SLC16A10: variants seen among roughly 807,000 people sequenced by gnomAD.
The protein encoded by SLC16A10 is monocarboxylate transporter 10.
Under a neutral mutation model 40.0 loss-of-function variants are expected in SLC16A10, and 27 were observed. That is an observed-to-expected ratio of 0.67 (90% CI 0.50 to 0.93). The LOEUF (loss-of-function observed/expected upper bound fraction) is 0.93. Among genes scored for constraint, SLC16A10 ranks in the 40% least tolerant of loss-of-function variants. The pLI, the probability that SLC16A10 is intolerant of heterozygous loss-of-function variation, is 0.00. For synonymous variants in SLC16A10, 213 were observed against 249.8 expected (o/e 0.85, Z 1.39); for missense variants, 529 against 658.2 (o/e 0.80, Z 2.15).
chr6:111,109,619 T>C (rs1265879414), intron 1 of SLC16A10, among the ~76,000 whole-genome samples: 1 of 152,056 alleles, frequency 6.6e-6, no homozygotes. Flanking sequence ...TCTGTCTAAT[T>C]TTTAAATTGT....
At chr6:111,117,506 T>C (rs902934550) in intron 1 of SLC16A10, among the ~76,000 whole-genome samples, 1 of 152,232 alleles carries the variant, frequency 6.6e-6, no homozygotes, top group African/African-American at 2.4e-5. Context: ...AATAATGCAA[T>C]TAACATCCTC....
rs1772584972 is a variant in SLC16A10 at position 111,171,502 on chromosome 6, A to G, written c.344-1193A>G. Among the ~76,000 whole-genome samples the G allele has an allele frequency of 1.3e-5, 2 of 152,214 alleles. 1 individual carries two copies. Among genetic ancestry groups the G allele is most frequent in the East Asian group, 3.8e-4 (2 of 5,200 alleles). ...CCCTGTCTGTACAAAAGAAACACAC[A>G]CAAAAGAAATATGACTGACTAAAAT... On this transcript the variant is annotated intron_variant, in intron 1 of 5. Coordinates refer to ENST00000368851, the MANE Select transcript of SLC16A10 (RefSeq NM_018593.5).
At chr6:111,190,682 C>T (rs930055665) in intron 3 of SLC16A10, among the ~76,000 whole-genome samples, 3 of 152,252 alleles carry the variant, frequency 2.0e-5, no homozygotes, top group Admixed American at 2.0e-4. Context: ...AGGCTTGGGG[C>T]TTGCACCCTC....
intron 1 of SLC16A10, among the ~76,000 whole-genome samples, chr6:111,138,010 T>C (rs1771912795): frequency 2.0e-5 from 3 of 152,240 alleles, no homozygotes; most frequent in South Asian, 4.1e-4. Context: ...ACGGCTACCC[T>C]CTTTGGGTAC....
chr6:111,147,081 A>G (rs1021248042), intron 1 of SLC16A10, among the ~76,000 whole-genome samples: 1 of 152,242 alleles, frequency 6.6e-6, no homozygotes, highest in Non-Finnish European at 1.5e-5. Flanking sequence ...TAATGGGTAC[A>G]GGGTTTCTTT....
chr6:111,107,720 G>A (rs1771309021), intron 1 of SLC16A10, among the ~76,000 whole-genome samples: 1 of 152,184 alleles, frequency 6.6e-6, no homozygotes, highest in Non-Finnish European at 1.5e-5. Context: ...GCTACCAAGA[G>A]GTGGAAGTGA....
intron 1 of SLC16A10, among the ~76,000 whole-genome samples, chr6:111,124,844 T>C (rs932814977): frequency 6.6e-6 from 1 of 152,244 alleles, no homozygotes; most frequent in African/African-American, 2.4e-5. Flanking sequence ...GATCTGCTTA[T>C]CAACTGTTTG....
At chr6:111,216,192 C>G (rs888340668) in intron 4 of SLC16A10, among the ~76,000 whole-genome samples, 1 of 152,062 alleles carries the variant, frequency 6.6e-6, no homozygotes, top group Non-Finnish European at 1.5e-5. Context: ...TGGTAGTGTC[C>G]CTCTGAGCCC....
chr6:111,130,227 T>A (rs1183087286), intron 1 of SLC16A10, among the ~76,000 whole-genome samples: 1 of 152,218 alleles, frequency 6.6e-6, no homozygotes, highest in East Asian at 1.9e-4. Context: ...TCATGGGGAA[T>A]GTGTTCTAAA....
intron 1 of SLC16A10, among the ~76,000 whole-genome samples, chr6:111,103,841 G>A (rs941882899): frequency 3.9e-5 from 6 of 152,210 alleles, no homozygotes; most frequent in Non-Finnish European, 7.3e-5. Context: ...TTGGGAGGCA[G>A]TTCTAATACT....
chr6:111,198,579 A>G (rs150598746), intron 3 of SLC16A10, among the ~76,000 whole-genome samples: 2 of 152,352 alleles, frequency 1.3e-5, no homozygotes, highest in South Asian at 2.1e-4. Context: ...ATGTTACTGC[A>G]CTGAATGCTG....
intron 1 of SLC16A10, among the ~76,000 whole-genome samples, chr6:111,170,914 G>A (rs1452286004): frequency 9.2e-5 from 14 of 152,114 alleles, no homozygotes; most frequent in Non-Finnish European, 2.9e-5. Context: ...AGGGTGGGCC[G>A]ATCACTTAAG....
At chr6:111,208,051 C>T (rs1053357626) in intron 4 of SLC16A10, among the ~76,000 whole-genome samples, 1 of 152,114 alleles carries the variant, frequency 6.6e-6, no homozygotes, top group African/African-American at 2.4e-5. Context: ...TCACTGCAGC[C>T]TCAACATCCC....
intron 1 of SLC16A10, among the ~76,000 whole-genome samples, chr6:111,118,643 T>C (rs1055138658): frequency 3.7e-5 from 5 of 135,654 alleles, no homozygotes; most frequent in South Asian, 4.5e-4. Context: ...ATCGCACCAC[T>C]GCACCCCAGC....
intron 1 of SLC16A10, among the ~76,000 whole-genome samples, chr6:111,125,079 T>C (rs1771651987): frequency 6.6e-6 from 1 of 152,222 alleles, no homozygotes; most frequent in Non-Finnish European, 1.5e-5. Context: ...TTAAAGTATT[T>C]TACATTTTAC....
chr6:111,177,020 C>T (rs181435735), intron 2 of SLC16A10, among the ~76,000 whole-genome samples, 192 bp from the exon 3 acceptor site: 55 of 151,538 alleles, frequency 3.6e-4, no homozygotes, highest in African/African-American at 5.6e-4. Context: ...AATTAAAATA[C>T]GTTTAGTGCT....
chr6:111,217,256 A>G (rs1321804037), intron 4 of SLC16A10, among the ~76,000 whole-genome samples: 1 of 152,234 alleles, frequency 6.6e-6, no homozygotes, highest in African/African-American at 2.4e-5. Context: ...TGGAGATAAC[A>G]TTAGTACCAC....
rs1185929442 is a variant in SLC16A10 at position 111,229,468 on chromosome 6, A to G, written c.*7233A>G. On this transcript the variant is annotated 3_prime_UTR_variant, in exon 6 of 6. Coordinates refer to ENST00000368851, the MANE Select transcript of SLC16A10 (RefSeq NM_018593.5). ...CTAGCACAAAGTGAGGGATTTAAAT[A>G]TATTCTGTAACTTTGAGGCAATGTG... The G allele has an allele frequency of 6.6e-6, 1 of 152,230 alleles. No individual in the cohort carries two copies. Among genetic ancestry groups the G allele is most frequent in the African/African-American group, 2.4e-5 (1 of 41,456 alleles). The allele number at this position is 152,230 out of a possible 1,614,324, so 9.4% of individuals were successfully genotyped here. A position where few individuals can be genotyped will look rare whatever the true frequency, so the allele number is the denominator to read the frequency against.
chr6:111,209,047 A>T (rs569647258), intron 4 of SLC16A10, among the ~76,000 whole-genome samples: 186 of 152,026 alleles, frequency 1.2e-3, no homozygotes, highest in South Asian at 0.011. Flanking sequence ...AAAAAAAAAA[A>T]TTGTTTTAAG....
Sources: allele counts gnomAD v4.1 joint callset (sites outside exome capture counted in the v4.1 genomes callset), GRCh38; gene constraint gnomAD v4.1.1; transcripts MANE v1.5; gene names NCBI Gene and HGNC (gene_info 2026-07-23, HGNC 2026-07-21).